LY6S: variants seen among roughly 807,000 people sequenced by gnomAD.
The protein encoded by LY6S is lymphocyte antigen 6S.
At chr8:143,052,501 G>A in the LY6S span, among the ~76,000 whole-genome samples, 1 of 152,204 alleles carries the variant, frequency 6.6e-6, no homozygotes, top group Admixed American at 6.5e-5. Flanking sequence ...GCTGAGGACT[G>A]GCAGGTTGAC....
At chr8:143,063,996 G>A in the LY6S span, among the ~76,000 whole-genome samples, 2 of 152,226 alleles carry the variant, frequency 1.3e-5, no homozygotes, top group Non-Finnish European at 2.9e-5. Flanking sequence ...CCTAATTTCT[G>A]TGTAAGGACC....
At chr8:143,044,451 C>G in the LY6S span, among the ~76,000 whole-genome samples, 8 of 152,074 alleles carry the variant, frequency 5.3e-5, no homozygotes, top group Non-Finnish European at 1.0e-4. Context: ...GACCCACAAC[C>G]CTTAGGCTCA....
the LY6S span, among the ~76,000 whole-genome samples, chr8:143,056,459 A>G: frequency 1.3e-5 from 2 of 152,206 alleles, no homozygotes; most frequent in Middle Eastern, 6.8e-3. Context: ...GAAAATTCTG[A>G]GCAAACTGAA....
At chr8:143,064,279 G>A in the LY6S span, among the ~76,000 whole-genome samples, 11 of 152,336 alleles carry the variant, frequency 7.2e-5, no homozygotes, top group East Asian at 2.1e-3. Context: ...CGGTGGCTGA[G>A]ATGGAAGCAG....
the LY6S span, among the ~76,000 whole-genome samples, chr8:143,056,467 G>A: frequency 3.3e-5 from 5 of 152,120 alleles, no homozygotes; most frequent in African/African-American, 1.2e-4. Context: ...TGAGCAAACT[G>A]AAAGTATGCT....
chr8:143,068,589 T>G, the LY6S span, among the ~76,000 whole-genome samples: 1 of 152,106 alleles, frequency 6.6e-6, no homozygotes, highest in African/African-American at 2.4e-5. Context: ...TCTTTGTAAT[T>G]TGCCCAGTCT....
chr8:143,066,029 T>C, the LY6S span: 1 of 378,204 alleles, frequency 2.6e-6, no homozygotes, highest in Admixed American at 3.1e-5. Context: ...TGCTGTGCAT[T>C]GCACAACCTA....
the LY6S span, among the ~76,000 whole-genome samples, chr8:143,072,505 C>T: frequency 1.3e-4 from 17 of 134,574 alleles, no homozygotes; most frequent in Middle Eastern, 9.3e-3. Flanking sequence ...GAGGAGACAG[C>T]CGTCGTCCTC....
At chr8:143,050,580 C>T in the LY6S span, among the ~76,000 whole-genome samples, 2 of 152,148 alleles carry the variant, frequency 1.3e-5, no homozygotes, top group African/African-American at 4.8e-5. Context: ...GGGAGGAAGA[C>T]TTGCCGTGAT....
the LY6S span, chr8:143,059,637 T>TA: frequency 2.6e-5 from 4 of 152,214 alleles, no homozygotes. Flanking sequence ...AGCTAATTTT[T>TA]AAAATTTTTT....
At chr8:143,054,877 C>T in the LY6S span, among the ~76,000 whole-genome samples, 27 of 152,298 alleles carry the variant, frequency 1.8e-4, no homozygotes, top group East Asian at 1.9e-4. Context: ...CTCCAGCAAA[C>T]GGCAGAGGGC....
At chr8:143,061,703 C>G in the LY6S span, among the ~76,000 whole-genome samples, 1 of 149,004 alleles carries the variant, frequency 6.7e-6, no homozygotes, top group Non-Finnish European at 1.5e-5. Context: ...TGCCACCATG[C>G]CCAGCTAATT....
chr8:143,068,877 T>G, the LY6S span, among the ~76,000 whole-genome samples: 2 of 152,244 alleles, frequency 1.3e-5, no homozygotes, highest in East Asian at 3.9e-4. Flanking sequence ...ATCCTGTCAC[T>G]GCAGGAGTGA....
chr8:143,048,624 C>T, the LY6S span, among the ~76,000 whole-genome samples: 10,229 of 151,898 alleles, frequency 0.067, 1,167 homozygotes, highest in African/African-American at 0.23. Flanking sequence ...TCTGCCACCA[C>T]GCCCGGCTAA....
chr8:143,075,424 C>G, the LY6S span, among the ~76,000 whole-genome samples: 4 of 152,172 alleles, frequency 2.6e-5, no homozygotes, highest in Non-Finnish European at 5.9e-5. The surrounding 1 kb of genome is among the most constrained non-coding windows in gnomAD (Gnocchi z 4.1). Context: ...AAAAATAAGG[C>G]CAGGCACGGT....
At chr8:143,075,901 A>G in the LY6S span, among the ~76,000 whole-genome samples, 1 of 152,278 alleles carries the variant, frequency 6.6e-6, no homozygotes, top group African/African-American at 2.4e-5. The surrounding 1 kb of genome is among the most constrained non-coding windows in gnomAD (Gnocchi z 4.1). Context: ...CAATGTTTTA[A>G]CATGTGTAAC....
chr8:143,070,565 C>T, the LY6S span, among the ~76,000 whole-genome samples: 27 of 145,274 alleles, frequency 1.9e-4, no homozygotes, highest in South Asian at 4.4e-4. Context: ...CAGCTCACTG[C>T]GACCTCTGCC....
At chr8:143,046,369 A>G in the LY6S span, among the ~76,000 whole-genome samples, 14,405 of 151,846 alleles carry the variant, frequency 0.095, 946 homozygotes, top group Middle Eastern at 0.21. Flanking sequence ...CAAGGTCAGG[A>G]GATCGAGACC....
At chr8:143,064,382 T>C in the LY6S span, among the ~76,000 whole-genome samples, 1 of 152,254 alleles carries the variant, frequency 6.6e-6, no homozygotes, top group Non-Finnish European at 1.5e-5. Flanking sequence ...TGAGCCTTTT[T>C]ACTTGAAACC....
Sources: allele counts gnomAD v4.1 joint callset (sites outside exome capture counted in the v4.1 genomes callset), GRCh38; gene constraint gnomAD v4.1.1; non-coding constraint Gnocchi (gnomAD v3.1); transcripts MANE v1.5; gene names NCBI Gene and HGNC (gene_info 2026-07-23, HGNC 2026-07-21).